CACNB2: variants seen among roughly 807,000 people sequenced by gnomAD.
CACNB2 encodes calcium voltage-gated channel auxiliary subunit beta 2, also known as voltage-dependent L-type calcium channel subunit beta-2.
A neutral mutation model predicts 73.3 loss-of-function variants in CACNB2; 42 were observed. The ratio of observed to expected loss-of-function variants is 0.57; its 90% CI spans 0.45 to 0.74. The LOEUF (loss-of-function observed/expected upper bound fraction) is 0.74, where lower values mean the gene tolerates loss of function less well. CACNB2 is among the 30% of genes least tolerant of loss of function. CACNB2 has a pLI of 0.00. For missense variants in CACNB2, 940 were observed against 853.0 expected (o/e 1.10, Z -1.27); for synonymous variants, 348 against 310.3 (o/e 1.12, Z -1.28).
At position 18,402,090 on chromosome 10, in the gene CACNB2, C is replaced by A. The variant is rs148465194; in HGVS notation, c.333+47C>A. ...CAAGATCTTTGCAAGTTGTGCTGTG[C>A]CCCTGATAGACCACCTGTGGGAGTT... On this transcript the variant is annotated intron_variant, in intron 3 of 13. Coordinates refer to ENST00000324631, the MANE Select transcript of CACNB2 (RefSeq NM_201596.3). 10,895 of 1,598,926 alleles carry A rather than the reference C, an allele frequency of 6.8e-3. 48 individuals are homozygous for A. Among genetic ancestry groups the A allele is most frequent in the Non-Finnish European group, 8.4e-3 (9,788 of 1,170,128 alleles).
At chr10:18,220,779 G>C (rs1014364023) in intron 2 of CACNB2, among the ~76,000 whole-genome samples, 1 of 152,084 alleles carries the variant, frequency 6.6e-6, no homozygotes, top group Admixed American at 6.6e-5. Context: ...CACGTGTCAG[G>C]GATCCAGGTT....
In CACNB2 at chr10:18,200,646, T is replaced by C. The variant is rs2034838809; in HGVS notation, c.213+49671T>C. 2.6e-5 allele frequency among the ~76,000 whole-genome samples: 4 copies of C among 152,272 alleles called. No individual in the cohort carries two copies. The South Asian group carries it at 8.3e-4, about 32-fold the overall frequency. On this transcript the variant is annotated intron_variant, in intron 2 of 13. Transcript: ENST00000324631. Reference sequence around the variant, plus strand: ...GCTTAGAGGAATTAGTCTACCTTTTTCCCCGCGGTAGAAGTACTGCTTAAA... The same window carrying C: ...GCTTAGAGGAATTAGTCTACCTTTTCCCCCGCGGTAGAAGTACTGCTTAAA...
intron 2 of CACNB2, among the ~76,000 whole-genome samples, chr10:18,399,862 A>C (rs931894813): frequency 6.6e-6 from 1 of 152,230 alleles, no homozygotes; most frequent in Non-Finnish European, 1.5e-5. Flanking sequence ...TCATTAGTAC[A>C]GGAAATTAAT....
intron 2 of CACNB2, among the ~76,000 whole-genome samples, chr10:18,220,918 A>G (rs1176692022): frequency 6.6e-6 from 1 of 152,202 alleles, no homozygotes; most frequent in Non-Finnish European, 1.5e-5. Context: ...CTGGTGCCAA[A>G]AAGTTTGGGG....
At chr10:18,430,002 A>T (rs935257741) in intron 3 of CACNB2, among the ~76,000 whole-genome samples, 1 of 151,852 alleles carries the variant, frequency 6.6e-6, no homozygotes. Context: ...AAAAAAGTCA[A>T]CTTAGCTCCA....
intron 3 of CACNB2, among the ~76,000 whole-genome samples, chr10:18,450,965 C>T (rs892623797): frequency 6.6e-6 from 1 of 152,168 alleles, no homozygotes. Context: ...AAAAGAATCA[C>T]TACCAATATT....
At chr10:18,303,398 A>G (rs2039603286) in intron 2 of CACNB2, among the ~76,000 whole-genome samples, 1 of 152,138 alleles carries the variant, frequency 6.6e-6, no homozygotes, top group South Asian at 2.1e-4. Context: ...CCAGCCGCTC[A>G]GGGGGCTGAG....
chr10:18,254,388 G>A (rs1329325382), intron 2 of CACNB2, among the ~76,000 whole-genome samples: 2 of 152,002 alleles, frequency 1.3e-5, no homozygotes, highest in African/African-American at 4.8e-5. Context: ...TGCATTCCAT[G>A]ATTATTAGTA....
intron 2 of CACNB2, among the ~76,000 whole-genome samples, chr10:18,370,828 C>T (rs1181071236): frequency 3.3e-5 from 5 of 152,116 alleles, no homozygotes; most frequent in African/African-American, 9.7e-5. Flanking sequence ...TACACATACA[C>T]GCAGGCACAT....
chr10:18,251,782 G>A (rs143907160), intron 2 of CACNB2, among the ~76,000 whole-genome samples: 32 of 152,266 alleles, frequency 2.1e-4, no homozygotes, highest in East Asian at 1.2e-3. Flanking sequence ...GACAGAGAGC[G>A]CGAAGAGGGA....
At chr10:18,436,326 A>G (rs1276380774) in intron 3 of CACNB2, among the ~76,000 whole-genome samples, 1 of 152,232 alleles carries the variant, frequency 6.6e-6, no homozygotes, top group Non-Finnish European at 1.5e-5. Flanking sequence ...GCTAACCCAG[A>G]AATTTTGGCA....
chr10:18,531,247 CTTCTG>C (rs1426850701), intron 10 of CACNB2, among the ~76,000 whole-genome samples: 1 of 152,104 alleles, frequency 6.6e-6, no homozygotes, highest in Non-Finnish European at 1.5e-5. Context: ...AATAAGTTAA[CTTCTG>C]TTTTTTGTTT....
intron 3 of CACNB2, among the ~76,000 whole-genome samples, chr10:18,469,755 C>T (rs2048084603): frequency 1.3e-5 from 2 of 152,122 alleles, no homozygotes; most frequent in Non-Finnish European, 2.9e-5. Context: ...CCAGAAGTTA[C>T]TATAAAATCG....
chr10:18,539,463 T>A lies in CACNB2; in HGVS notation c.1722T>A (p.Tyr574Ter). The A allele has an allele frequency of 1.2e-6, 2 of 1,613,772 alleles. No individual in the cohort carries two copies. The highest frequency in any genetic ancestry group is 1.7e-6 in the Non-Finnish European group (2 of 1,179,940). Reference sequence around the variant, plus strand: ...CCTACGTAGAGCCAAAGGAAGATTATTCCCATGACCACGTGGACCACTATG... The same window carrying A: ...CCTACGTAGAGCCAAAGGAAGATTAATCCCATGACCACGTGGACCACTATG... ...DSAYVEPKED[Y>*]SHDHVDHYAS... is the part of the protein sequence containing the mutation. Residue 574 changes from tyrosine to a stop codon, truncating the protein, a stop_gained, in exon 14 of 14, where the codon TAT (tyrosine) becomes TAA (stop). Transcript: ENST00000324631. LOFTEE classifies it high-confidence loss of function.
At chr10:18,263,941 A>G (rs763808226) in intron 2 of CACNB2, among the ~76,000 whole-genome samples, 7 of 152,322 alleles carry the variant, frequency 4.6e-5, no homozygotes, top group East Asian at 1.9e-4. Context: ...CCTAACCATC[A>G]TTCTTTTAGA....
At chr10:18,284,938 C>T (rs997095374) in intron 2 of CACNB2, among the ~76,000 whole-genome samples, 1 of 152,120 alleles carries the variant, frequency 6.6e-6, no homozygotes, top group Non-Finnish European at 1.5e-5. Flanking sequence ...CCCATTTTTA[C>T]TTATCCAAGA....
At chr10:18,433,202 A>G (rs1478658877) in intron 3 of CACNB2, among the ~76,000 whole-genome samples, 1 of 152,210 alleles carries the variant, frequency 6.6e-6, no homozygotes, top group Non-Finnish European at 1.5e-5. Flanking sequence ...TAGATATAGC[A>G]AGATGATCAA....
At chr10:18,453,653 G>A (rs1043580418) in intron 3 of CACNB2, among the ~76,000 whole-genome samples, 2 of 152,120 alleles carry the variant, frequency 1.3e-5, no homozygotes, top group African/African-American at 2.4e-5. Context: ...ATTTTGAGAC[G>A]GAGTCTCGCT....
At position 18,402,436 on chromosome 10, in the gene CACNB2, T is replaced by C. The variant is rs1478428603; in HGVS notation, c.333+393T>C. Among the ~76,000 whole-genome samples the C allele has an allele frequency of 2.6e-5, 4 of 152,196 alleles. No individual in the cohort carries two copies. In the East Asian group the frequency reaches 7.7e-4, roughly 29 times the overall value. ...TGACTTCAAGCTATTGTTTATTTTCTTAGACTTGAACAGTTTTTCCCCTGA... is the reference window on the plus strand; with the variant it reads ...TGACTTCAAGCTATTGTTTATTTTCCTAGACTTGAACAGTTTTTCCCCTGA... On this transcript the variant is annotated intron_variant, in intron 3 of 13. Coordinates refer to ENST00000324631, the MANE Select transcript of CACNB2 (RefSeq NM_201596.3).
Sources: gnomAD v4.1 joint callset for allele counts (sites outside exome capture counted in the v4.1 genomes callset) on GRCh38, gnomAD v4.1.1 for gene constraint, MANE v1.5 for transcripts, NCBI Gene and HGNC (gene_info 2026-07-23, HGNC 2026-07-21) for gene names.